DMD: variants seen among roughly 807,000 people sequenced by gnomAD.
DMD encodes the protein mutant dystrophin.
Under a neutral mutation model 330.1 loss-of-function variants are expected in DMD, and 63 were observed. The observed-to-expected ratio is 0.19, with a 90% confidence interval of 0.16 to 0.24. The LOEUF (loss-of-function observed/expected upper bound fraction) is 0.24. Ranked by LOEUF, DMD falls within the 10% of genes least tolerant of loss-of-function variation. The pLI is 1.00. For synonymous variants in DMD, 1,223 were observed against 959.8 expected (o/e 1.27, Z -5.07); for missense variants, 3,344 against 2,684.1 (o/e 1.25, Z -5.43).
intron 15 of DMD, among the ~76,000 whole-genome samples, chrX:32,567,133 G>T (rs773207506): frequency 1.2e-4 from 13 of 111,496 alleles, no homozygotes; most frequent in Non-Finnish European, 2.1e-4. Context: ...CTGAACTGCA[G>T]AATGCTCTAG....
chrX:33,016,680 A>G (rs1187240710), intron 2 of DMD, among the ~76,000 whole-genome samples: 1 of 112,113 alleles, frequency 8.9e-6, no homozygotes, highest in African/African-American at 3.2e-5. Flanking sequence ...AAAGATGATT[A>G]CTAAATTCAG....
At chrX:33,216,790 T>C (rs16990952) in intron 1 of DMD, among the ~76,000 whole-genome samples, 1,569 of 111,467 alleles carry the variant, frequency 0.014, 30 homozygotes, top group African/African-American at 0.049. Context: ...TGGCCCATGA[T>C]TATATTCCAA....
At chrX:32,347,522 A>G (rs1336627575) in intron 38 of DMD, among the ~76,000 whole-genome samples, 1 of 111,750 alleles carries the variant, frequency 8.9e-6, no homozygotes, top group African/African-American at 3.3e-5. Context: ...CATGGGGAGT[A>G]TTGATTGAGG....
At chrX:33,076,580 A>G (rs1430343587) in intron 1 of DMD, among the ~76,000 whole-genome samples, 2 of 112,027 alleles carry the variant, frequency 1.8e-5, no homozygotes, top group East Asian at 5.6e-4. Context: ...CTGAAAAACA[A>G]AAACAAACAA....
chrX:32,380,355 G>A (rs1488228769), intron 34 of DMD, among the ~76,000 whole-genome samples, 155 bp downstream of exon 34: 1 of 111,533 alleles, frequency 9.0e-6, no homozygotes, highest in Non-Finnish European at 1.9e-5. Context: ...TTTTATCATG[G>A]TCCTGAAAAG....
chrX:32,014,265 A>G (rs2095741174), intron 44 of DMD, among the ~76,000 whole-genome samples: 1 of 112,072 alleles, frequency 8.9e-6, no homozygotes, highest in African/African-American at 3.2e-5. Flanking sequence ...TTCAATTAAA[A>G]TGAAGTTTCA....
At chrX:33,305,419 G>A (rs2053743528) in intron 1 of DMD, among the ~76,000 whole-genome samples, 1 of 82,786 alleles carries the variant, frequency 1.2e-5, no homozygotes, top group South Asian at 8.4e-4. Context: ...GACTGTTGTG[G>A]GGTGGGGGGA....
intron 60 of DMD, among the ~76,000 whole-genome samples, chrX:31,396,426 C>T (rs1333490194): frequency 1.8e-5 from 2 of 111,391 alleles, no homozygotes; most frequent in African/African-American, 6.5e-5. Flanking sequence ...CGTGAGCCAC[C>T]GCGCCCGGCC....
chrX:31,784,211 T>C (rs148926274), intron 50 of DMD, among the ~76,000 whole-genome samples: 1 of 112,086 alleles, frequency 8.9e-6, no homozygotes, highest in East Asian at 2.8e-4. Context: ...AAAGAAAATA[T>C]ATACACAGCC....
intron 29 of DMD, among the ~76,000 whole-genome samples, chrX:32,429,631 G>A (rs1045197526): frequency 3.7e-5 from 4 of 107,501 alleles, no homozygotes; most frequent in Non-Finnish European, 5.7e-5. Context: ...GCTTTACTGC[G>A]TACTGATTGA....
At chrX:31,892,979 A>G (rs1354290353) in intron 47 of DMD, among the ~76,000 whole-genome samples, 1 of 112,290 alleles carries the variant, frequency 8.9e-6, no homozygotes, top group African/African-American at 3.2e-5. Flanking sequence ...TAAGATTAAA[A>G]TAACATATGT....
intron 52 of DMD, among the ~76,000 whole-genome samples, chrX:31,721,716 C>CCA (rs2085553418): frequency 1.3e-4 from 7 of 53,417 alleles, no homozygotes; most frequent in African/African-American, 4.1e-4. Flanking sequence ...CTCTCTCTCT[C>CCA]TCTATATATA....
At position 32,273,054 on chromosome X, in the gene DMD, T is replaced by G. The variant is rs998818305; in HGVS notation, c.6290+14475A>C. On this transcript the variant is annotated intron_variant, in intron 43 of 78. Transcript: ENST00000357033. ...TCCTAAGCAGTAGCTTAAATCTAAG[T>G]CAGACAAAAGTTGATGAATGAGAAA... is the stretch of plus-strand genomic sequence containing the variant. Among the ~76,000 whole-genome samples the G allele has an allele frequency of 1.6e-4, 18 of 111,397 alleles. No individual in the cohort carries two copies. In the East Asian group the frequency reaches 4.8e-3, roughly 30 times the overall value.
At chrX:32,865,360 G>T (rs993575652) in intron 2 of DMD, among the ~76,000 whole-genome samples, 1 of 111,429 alleles carries the variant, frequency 9.0e-6, no homozygotes, top group Non-Finnish European at 1.9e-5. Flanking sequence ...ACAAATAAAA[G>T]ATATCTTCAC....
At chrX:31,318,690 G>A (rs921706870) in intron 62 of DMD, among the ~76,000 whole-genome samples, 1 of 112,023 alleles carries the variant, frequency 8.9e-6, no homozygotes, top group South Asian at 3.8e-4. Context: ...GACATGAGTT[G>A]CTTCTTGAGC....
chrX:32,261,693 A>C (rs1569554606), intron 43 of DMD, among the ~76,000 whole-genome samples: 1 of 111,877 alleles, frequency 8.9e-6, no homozygotes, highest in Non-Finnish European at 1.9e-5. Flanking sequence ...TATACAGGCT[A>C]TTTTGTTTCA....
intron 55 of DMD, among the ~76,000 whole-genome samples, chrX:31,530,117 T>G (rs1392072334): frequency 2.7e-5 from 3 of 111,766 alleles, no homozygotes; most frequent in Non-Finnish European, 5.6e-5. Flanking sequence ...AGATTTTATG[T>G]TTAAAAAAAT....
At chrX:32,076,808 G>C (rs1001879880) in intron 44 of DMD, among the ~76,000 whole-genome samples, 1 of 111,613 alleles carries the variant, frequency 9.0e-6, no homozygotes, top group Non-Finnish European at 1.9e-5. Flanking sequence ...AGGGGCCTAG[G>C]AATCTGCATT....
At chrX:32,432,374 T>C (rs1021780436) in intron 29 of DMD, among the ~76,000 whole-genome samples, 1 of 111,927 alleles carries the variant, frequency 8.9e-6, no homozygotes, top group African/African-American at 3.2e-5. Context: ...TCAGTGGTCA[T>C]AGGCATGTTA....
Sources: allele counts gnomAD v4.1 joint callset (sites outside exome capture counted in the v4.1 genomes callset), GRCh38; gene constraint gnomAD v4.1.1; transcripts MANE v1.5; gene names NCBI Gene and HGNC (gene_info 2026-07-23, HGNC 2026-07-21).